Variants in SOBP observed in about 807,000 individuals in gnomAD.
The protein encoded by SOBP is sine oculis-binding protein homolog.
Under a neutral mutation model 53.6 loss-of-function variants are expected in SOBP, and 4 were observed. The observed-to-expected ratio is 0.07, with a 90% confidence interval of 0.04 to 0.17. The LOEUF (loss-of-function observed/expected upper bound fraction) is 0.17. Among genes scored for constraint, SOBP ranks in the 10% least tolerant of loss-of-function variants. The pLI is 1.00. For synonymous variants in SOBP, 584 were observed against 522.6 expected (o/e 1.12, Z -1.60); for missense variants, 1,088 against 1,204.7 (o/e 0.90, Z 1.43).
chr6:107,598,198 C>T (rs1114134), intron 5 of SOBP, among the ~76,000 whole-genome samples: 6,922 of 152,214 alleles, frequency 0.045, 349 homozygotes, highest in Admixed American at 0.14. Flanking sequence ...TTACAAACTA[C>T]GCTTATATGA....
At chr6:107,651,014 C>T (rs1236028175) in intron 6 of SOBP, among the ~76,000 whole-genome samples, 1 of 152,160 alleles carries the variant, frequency 6.6e-6, no homozygotes, top group Non-Finnish European at 1.5e-5. Flanking sequence ...TGTAATAATC[C>T]CAGCACTTTG....
intron 6 of SOBP, among the ~76,000 whole-genome samples, chr6:107,637,714 T>C (rs1335931611): frequency 2.0e-5 from 3 of 152,206 alleles, no homozygotes; most frequent in Non-Finnish European, 2.9e-5. Context: ...GAGATTTTAC[T>C]ATTATACCAT....
At position 107,634,583 on chromosome 6, in the gene SOBP, A is replaced by G. The variant is rs370586657; in HGVS notation, c.1739A>G (p.His580Arg). The G allele has an allele frequency of 6.1e-5, 98 of 1,602,608 alleles. No homozygotes were observed. Among genetic ancestry groups the G allele is most frequent in the Non-Finnish European group, 7.5e-5 (88 of 1,179,388 alleles). Residue 580 changes from histidine (H) to arginine (R), a missense_variant, in exon 6 of 7, where the codon CAC becomes CGC. His to Arg is a conservative substitution (Grantham distance 29). This residue lies in a region of SOBP where 665 missense variants were observed against 629.7 expected (regional missense o/e 1.06). Transcript: ENST00000317357. The surrounding 1 kb of genome is among the most constrained non-coding windows in gnomAD (Gnocchi z 4.5). ...GCGGCGGGCGGCAAGCCAAGCGGAC[A>G]CTCCCTGTCCCCCCGGGACTCCAAG... ...SAAAGGKPSG[H>R]SLSPRDSKQG... is the part of the protein sequence containing the mutation.
intron 5 of SOBP, among the ~76,000 whole-genome samples, chr6:107,609,888 C>T (rs1786528924): frequency 6.6e-6 from 1 of 152,136 alleles, no homozygotes; most frequent in Non-Finnish European, 1.5e-5. Flanking sequence ...AGCTCCTAGT[C>T]ATCTGGTGCT....
At chr6:107,505,346 A>G (rs572607040) in intron 2 of SOBP, among the ~76,000 whole-genome samples, 2 of 151,788 alleles carry the variant, frequency 1.3e-5, no homozygotes, top group African/African-American at 4.8e-5. Flanking sequence ...TTTCTGAGAC[A>G]GAGTCTTGCT....
At chr6:107,593,682 A>G (rs1487974195) in intron 5 of SOBP, among the ~76,000 whole-genome samples, 2 of 152,228 alleles carry the variant, frequency 1.3e-5, no homozygotes, top group Non-Finnish European at 2.9e-5. Context: ...GATCATGTAT[A>G]TGAAGCATTT....
intron 6 of SOBP, among the ~76,000 whole-genome samples, chr6:107,649,803 T>C (rs1477203771): frequency 6.6e-6 from 1 of 152,118 alleles, no homozygotes; most frequent in Non-Finnish European, 1.5e-5. Context: ...GGAAAGAACT[T>C]AGTAAAGAGG....
chr6:107,573,963 A>G (rs141561765), intron 4 of SOBP, among the ~76,000 whole-genome samples: 504 of 152,282 alleles, frequency 3.3e-3, no homozygotes, highest in African/African-American at 0.012. Flanking sequence ...TAGGCGCTTC[A>G]TTATTCAGTT....
chr6:107,526,583 CTCTT>C (rs1783671425), intron 3 of SOBP, among the ~76,000 whole-genome samples: 2 of 152,218 alleles, frequency 1.3e-5, no homozygotes, highest in Admixed American at 1.3e-4. Context: ...CTGAACCTCT[CTCTT>C]ACTGCATTCT....
At position 107,490,716 on chromosome 6, in the gene SOBP, T is replaced by G. The variant is rs769145592; in HGVS notation, c.96+4T>G. 3.3e-6 allele frequency: 5 copies of G among 1,497,418 alleles called. No homozygotes were observed. Among genetic ancestry groups the G allele is most frequent in the Non-Finnish European group, 4.6e-6 (5 of 1,081,918 alleles). The allele number at this position is 1,497,418 out of a possible 1,614,324, so 92.8% of individuals were successfully genotyped here. ...GGAGATCAATGAGGAGATGAAGGTATTTTTTGATCTCGGGGGCCAGGGAGA... is the reference window on the plus strand; with the variant it reads ...GGAGATCAATGAGGAGATGAAGGTAGTTTTTGATCTCGGGGGCCAGGGAGA... On this transcript the variant is annotated splice_donor_region_variant and intron_variant, in intron 1 of 6. Coordinates refer to ENST00000317357, the MANE Select transcript of SOBP (RefSeq NM_018013.4).
At chr6:107,610,799 C>T (rs771603977) in intron 5 of SOBP, among the ~76,000 whole-genome samples, 13 of 53,066 alleles carry the variant, frequency 2.4e-4, no homozygotes, top group Non-Finnish European at 4.0e-4. Context: ...TGCACACGCA[C>T]ACACACACAC....
Position 107,548,391 on chromosome 6 carries a change from C to T in SOBP, c.573+14781C>T, listed in dbSNP as rs569952843. On this transcript the variant is annotated intron_variant, in intron 4 of 6. Coordinates refer to ENST00000317357, the MANE Select transcript of SOBP (RefSeq NM_018013.4). Reference sequence around the variant, plus strand: ...CCGAGCAGCTGGGACTACAGGCGCCCGCCACCATGCCTGGCTAATTTTTTG... The same window carrying T: ...CCGAGCAGCTGGGACTACAGGCGCCTGCCACCATGCCTGGCTAATTTTTTG... Among the ~76,000 whole-genome samples, 10 of 151,834 alleles carry T rather than the reference C, an allele frequency of 6.6e-5. No individual in the cohort carries two copies. The East Asian group carries it at 9.7e-4, about 15-fold the overall frequency.
intron 3 of SOBP, among the ~76,000 whole-genome samples, chr6:107,520,093 G>A (rs1419236880): frequency 1.3e-5 from 2 of 152,170 alleles, no homozygotes; most frequent in African/African-American, 4.8e-5. Flanking sequence ...CAATAACGGA[G>A]CACTCAGAAA....
intron 4 of SOBP, among the ~76,000 whole-genome samples, chr6:107,569,308 G>C (rs995588573): frequency 6.6e-6 from 1 of 152,172 alleles, no homozygotes; most frequent in African/African-American, 2.4e-5. Context: ...AGGCAAATCT[G>C]AGAAATTTTG....
chr6:107,512,356 G>C (rs1363696798), intron 3 of SOBP, among the ~76,000 whole-genome samples: 3 of 152,192 alleles, frequency 2.0e-5, no homozygotes, highest in African/African-American at 7.2e-5. Context: ...TGCCTTTAAA[G>C]GGCTTGGGCA....
chr6:107,599,682 A>G (rs1292073561), intron 5 of SOBP, among the ~76,000 whole-genome samples: 5 of 150,972 alleles, frequency 3.3e-5, no homozygotes, highest in Admixed American at 6.6e-5. Context: ...TTTTCTAATT[A>G]CCTGACCATT....
At chr6:107,602,568 T>TAAAAAAAAAAAAAAAAAAAAA (rs71810335) in intron 5 of SOBP, among the ~76,000 whole-genome samples, 1 of 102,810 alleles carries the variant, frequency 9.7e-6, no homozygotes, top group African/African-American at 4.0e-5. Context: ...TAAGCCGCGT[T>TAAAAAAAAAAAAAAAAAAAAA]AAAAAAAAAA....
At chr6:107,494,787 C>G (rs188615750) in intron 1 of SOBP, among the ~76,000 whole-genome samples, 4 of 152,308 alleles carry the variant, frequency 2.6e-5, no homozygotes. Context: ...CTGATGCCTA[C>G]AATTTGGGTC....
At chr6:107,602,559 A>G (rs1027712845) in intron 5 of SOBP, among the ~76,000 whole-genome samples, 13 of 135,132 alleles carry the variant, frequency 9.6e-5, no homozygotes, top group Non-Finnish European at 1.8e-4. Flanking sequence ...CATAGCAACT[A>G]AGCCGCGTTA....
Sources: gnomAD v4.1 joint callset for allele counts (sites outside exome capture counted in the v4.1 genomes callset) on GRCh38, gnomAD v4.1.1 for gene constraint, gnomAD v4.1.1 regional missense constraint, Gnocchi (gnomAD v3.1) non-coding constraint, MANE v1.5 for transcripts, NCBI Gene and HGNC (gene_info 2026-07-23, HGNC 2026-07-21) for gene names.